Variants in CFAP221 observed in about 807,000 individuals in gnomAD.
CFAP221 encodes cilia and flagella associated protein 221.
A neutral mutation model predicts 113.1 loss-of-function variants in CFAP221; 97 were observed. The ratio of observed to expected loss-of-function variants is 0.86; its 90% CI spans 0.73 to 1.02. The LOEUF is 1.02. Ranked by LOEUF, CFAP221 falls within the 50% of genes least tolerant of loss-of-function variation. The probability of loss-of-function intolerance (pLI) is 0.00; values close to 1 mark genes in which losing one functional copy is unlikely to be tolerated. For missense variants in CFAP221, 1,025 were observed against 1,013.4 expected (o/e 1.01, Z -0.16); for synonymous variants, 331 against 354.4 (o/e 0.93, Z 0.74).
intron 6 of CFAP221, among the ~76,000 whole-genome samples, chr2:119,583,162 G>T (rs900081562): frequency 1.3e-5 from 2 of 151,456 alleles, no homozygotes; most frequent in Non-Finnish European, 2.9e-5. Flanking sequence ...CATTAATTGG[G>T]AAAAAAAAGC....
chr2:119,624,259 A>T (rs191840981), intron 14 of CFAP221, among the ~76,000 whole-genome samples: 1 of 152,272 alleles, frequency 6.6e-6, no homozygotes, highest in Admixed American at 6.5e-5. Context: ...GCCAACAAAC[A>T]TATGAAAAAC....
In CFAP221 at chr2:119,650,838, G is replaced by A. The variant is rs181822349; in HGVS notation, c.2319-1136G>A. Among the ~76,000 whole-genome samples the A allele has an allele frequency of 1.6e-3, 238 of 152,244 alleles. 1 individual carries two copies. The highest frequency in any genetic ancestry group is 2.7e-3 in the Non-Finnish European group (187 of 68,014). On this transcript the variant is annotated intron_variant, in intron 22 of 23. Coordinates refer to ENST00000413369, the MANE Select transcript of CFAP221 (RefSeq NM_001271049.2). ...TAGAACAACTTTTGCAGATTTCAAG[G>A]GTATTTTTCTTAATAGAAAATTGTC...
intron 20 of CFAP221, among the ~76,000 whole-genome samples, chr2:119,638,846 C>G (rs1338608859): frequency 6.6e-6 from 1 of 152,112 alleles, no homozygotes. Flanking sequence ...CAGGGAACCA[C>G]CCTGACCTGA....
At chr2:119,627,585 T>C (rs991221506) in intron 15 of CFAP221, 68 bp from the exon 16 acceptor site, 17 of 1,491,550 alleles carry the variant, frequency 1.1e-5, no homozygotes, top group Admixed American at 7.8e-5. Context: ...AATATGCAAA[T>C]ATATATGGTG....
chr2:119,587,349 G>A (rs1432491309), intron 7 of CFAP221, 127 bp downstream of exon 7: 5 of 533,200 alleles, frequency 9.4e-6, no homozygotes, highest in East Asian at 3.3e-5. Flanking sequence ...AATTGGACAC[G>A]TCAGAATAAC....
At chr2:119,637,872 C>G (rs1337687710) in intron 19 of CFAP221, among the ~76,000 whole-genome samples, 1 of 152,092 alleles carries the variant, frequency 6.6e-6, no homozygotes, top group Non-Finnish European at 1.5e-5. Context: ...TTTTTGTTTT[C>G]AAAAGCAGAA....
intron 16 of CFAP221, 37 bp from the exon 17 acceptor site, chr2:119,629,838 G>A: frequency 6.7e-7 from 1 of 1,497,602 alleles, no homozygotes; most frequent in Middle Eastern, 1.7e-4. Flanking sequence ...CTTGCTCAGT[G>A]GTGATTGTTC....
At chr2:119,653,559 A>G (rs1688255117) in intron 23 of CFAP221, among the ~76,000 whole-genome samples, 2 of 152,200 alleles carry the variant, frequency 1.3e-5, no homozygotes, top group African/African-American at 4.8e-5. Flanking sequence ...TTAATCAACA[A>G]TCTGCCAATG....
intron 7 of CFAP221, among the ~76,000 whole-genome samples, chr2:119,590,566 A>G (rs1003757093): frequency 1.3e-5 from 2 of 152,244 alleles, no homozygotes; most frequent in Non-Finnish European, 2.9e-5. Context: ...AGCTGGGCTC[A>G]GCCATACTCT....
chr2:119,602,580 A>G, intron 8 of CFAP221: 3 of 968,388 alleles, frequency 3.1e-6, no homozygotes, highest in Non-Finnish European at 2.5e-6. Context: ...GATATCTTAG[A>G]TATTTATATC....
At chr2:119,566,716 G>C (rs1177543262) in intron 6 of CFAP221, among the ~76,000 whole-genome samples, 1 of 152,170 alleles carries the variant, frequency 6.6e-6, no homozygotes, top group Non-Finnish European at 1.5e-5. Flanking sequence ...CTACCTCACT[G>C]GTCTTTCCTA....
At chr2:119,559,890 C>A in intron 4 of CFAP221, 38 bp from the exon 5 acceptor site, 1 of 1,510,050 alleles carries the variant, frequency 6.6e-7, no homozygotes, top group Non-Finnish European at 8.9e-7. Context: ...TCTGTGCAGT[C>A]CGGGGCTTGT....
At chr2:119,547,231 C>T (rs948589605) in intron 2 of CFAP221, among the ~76,000 whole-genome samples, 8 of 152,090 alleles carry the variant, frequency 5.3e-5, no homozygotes, top group African/African-American at 1.7e-4. Context: ...ATATCTACTT[C>T]GTGGATCTAA....
downstream of CFAP221, among the ~76,000 whole-genome samples, chr2:119,659,524 A>T (rs1688548546): frequency 6.6e-6 from 1 of 152,286 alleles, no homozygotes; most frequent in Admixed American, 6.5e-5. Flanking sequence ...ATCCATCTCC[A>T]TTCCGCCATC....
chr2:119,561,369 C>T (rs1681233695), intron 5 of CFAP221, among the ~76,000 whole-genome samples: 1 of 152,100 alleles, frequency 6.6e-6, no homozygotes, highest in Non-Finnish European at 1.5e-5. Context: ...AAGAAGAATG[C>T]CTAGAACAGG....
intron 13 of CFAP221, among the ~76,000 whole-genome samples, chr2:119,613,780 G>A (rs1685338018): frequency 6.6e-6 from 1 of 152,178 alleles, no homozygotes; most frequent in African/African-American, 2.4e-5. Context: ...TTAACATTTG[G>A]CACCTCATTA....
Position 119,627,840 on chromosome 2 carries a change from G to A in CFAP221, c.1650+54G>A. 3 of 1,602,458 alleles carry A rather than the reference G, an allele frequency of 1.9e-6. No individual in the cohort carries two copies. In the East Asian group the frequency reaches 6.7e-5, roughly 36 times the overall value. On this transcript the variant is annotated intron_variant, in intron 16 of 23. Transcript: ENST00000413369. ...AGTGGACATGATCATGATCGTGTTG[G>A]GCAGATACAAGGCAAGCCCTACCTC...
intron 19 of CFAP221, among the ~76,000 whole-genome samples, chr2:119,634,091 G>C (rs1686961512): frequency 6.6e-6 from 1 of 152,122 alleles, no homozygotes; most frequent in Admixed American, 6.5e-5. Context: ...CTGGGCAACA[G>C]AGTGAGACCC....
At chr2:119,655,644 C>T (rs1574250160) in intron 23 of CFAP221, among the ~76,000 whole-genome samples, 1 of 152,210 alleles carries the variant, frequency 6.6e-6, no homozygotes, top group Non-Finnish European at 1.5e-5. Context: ...TTTCCTCCCA[C>T]ATATCTGGAT....
Sources: allele counts gnomAD v4.1 joint callset (sites outside exome capture counted in the v4.1 genomes callset), GRCh38; gene constraint gnomAD v4.1.1; transcripts MANE v1.5; gene names NCBI Gene and HGNC (gene_info 2026-07-23, HGNC 2026-07-21).